TPH2: variants seen among roughly 807,000 people sequenced by gnomAD.
The protein encoded by TPH2 is tryptophan hydroxylase 2.
Under a neutral mutation model 59.1 loss-of-function variants are expected in TPH2, and 27 were observed. That is an observed-to-expected ratio of 0.46 (90% CI 0.34 to 0.63). The LOEUF (loss-of-function observed/expected upper bound fraction) is 0.63, where lower values mean the gene tolerates loss of function less well. Among genes scored for constraint, TPH2 ranks in the 30% least tolerant of loss-of-function variants. TPH2 has a pLI of 0.01. For missense variants in TPH2, 523 were observed against 588.3 expected, an observed-to-expected ratio of 0.89 and a Z score of 1.15; for synonymous variants, 220 against 210.5, an observed-to-expected ratio of 1.05 and a Z score of -0.39.
intron 7 of TPH2, among the ~76,000 whole-genome samples, chr12:71,993,281 G>C (rs557380632): frequency 6.6e-6 from 1 of 152,288 alleles, no homozygotes; most frequent in East Asian, 1.9e-4. Flanking sequence ...TGTAATAATG[G>C]TAGCACCTGG....
At chr12:71,952,048 T>G (rs1233141162) in intron 5 of TPH2, among the ~76,000 whole-genome samples, 4 of 152,190 alleles carry the variant, frequency 2.6e-5, no homozygotes, top group African/African-American at 9.7e-5. Context: ...GGCAAGCTGA[T>G]GTTGTGGTGA....
chr12:72,030,428 C>A (rs1201519807), intron 9 of TPH2, among the ~76,000 whole-genome samples: 1 of 152,082 alleles, frequency 6.6e-6, no homozygotes, highest in African/African-American at 2.4e-5. Context: ...TATAAATAGG[C>A]AGCACATGGC....
chr12:71,979,458 G>T (rs1437734145), intron 7 of TPH2, among the ~76,000 whole-genome samples: 1 of 152,194 alleles, frequency 6.6e-6, no homozygotes, highest in African/African-American at 2.4e-5. Context: ...GGAGGTTCAT[G>T]TACACACACC....
At position 71,965,959 on chromosome 12, in the gene TPH2, TCTTTAATGTA is replaced by T. The variant is rs753090326; in HGVS notation, c.609-6559_609-6550del. 1.4e-4 allele frequency among the ~76,000 whole-genome samples: 22 copies of T among 152,334 alleles called. No individual in the cohort carries two copies. In the South Asian group the frequency reaches 1.9e-3, roughly 13 times the overall value. On this transcript the variant is annotated intron_variant, in intron 5 of 10. Transcript: ENST00000333850. ...TATAGTGTTGGGTTTTACATTTAGG[TCTTTAATGTA>T]TCTTGAGTGATGAATTCCTTTAAAA... is the stretch of plus-strand genomic sequence containing the variant.
At position 72,001,036 on chromosome 12, in the gene TPH2, A is replaced by G. The variant is rs551322594; in HGVS notation, c.1068+6471A>G. 2.1e-3 allele frequency among the ~76,000 whole-genome samples: 316 copies of G among 152,320 alleles called. 2 individuals carry two copies. Among genetic ancestry groups the G allele is most frequent in the African/African-American group, 7.4e-3 (306 of 41,574 alleles). On this transcript the variant is annotated intron_variant, in intron 8 of 10. Coordinates refer to ENST00000333850, the MANE Select transcript of TPH2 (RefSeq NM_173353.4). The stretch of plus-strand genomic sequence containing the variant: ...TCAATTCAGTCTATTCATTTCTCAT[A>G]TCATAAAGGCATTTGAAACAGACAA...
At chr12:71,994,700 G>A in intron 8 of TPH2, 135 bp downstream of exon 8, 1 of 1,112,756 alleles carries the variant, frequency 9.0e-7, no homozygotes, top group Non-Finnish European at 1.3e-6. Flanking sequence ...TTCCTATGTT[G>A]TATTCTTTTG....
At chr12:71,984,994 C>A (rs961091673) in intron 7 of TPH2, among the ~76,000 whole-genome samples, 1 of 152,162 alleles carries the variant, frequency 6.6e-6, no homozygotes, top group Non-Finnish European at 1.5e-5. Context: ...AGCAACAATA[C>A]GTTTATTATG....
At chr12:71,995,351 C>T (rs1872668759) in intron 8 of TPH2, among the ~76,000 whole-genome samples, 1 of 152,122 alleles carries the variant, frequency 6.6e-6, no homozygotes. Context: ...CCATTACCTA[C>T]AGGGACCAGT....
intron 2 of TPH2, among the ~76,000 whole-genome samples, chr12:71,942,156 ACAC>A: frequency 6.6e-6 from 1 of 152,334 alleles, no homozygotes; most frequent in Non-Finnish European, 1.5e-5. Context: ...GAATATAGGC[ACAC>A]GGTATTCCCC....
intron 8 of TPH2, among the ~76,000 whole-genome samples, chr12:72,015,737 C>T (rs1873230613): frequency 6.6e-6 from 1 of 152,164 alleles, no homozygotes; most frequent in South Asian, 2.1e-4. Context: ...CCTAACAGCA[C>T]AGATGCTTGC....
At chr12:72,028,625 T>A (rs2139250786) in intron 9 of TPH2, among the ~76,000 whole-genome samples, 1 of 152,158 alleles carries the variant, frequency 6.6e-6, no homozygotes, top group South Asian at 2.1e-4. Flanking sequence ...CACTGGCTGC[T>A]CCCCCATCTC....
At chr12:71,988,975 A>T (rs1179246594) in intron 7 of TPH2, among the ~76,000 whole-genome samples, 2 of 152,150 alleles carry the variant, frequency 1.3e-5, no homozygotes, top group Non-Finnish European at 2.9e-5. Context: ...AGACAACTAT[A>T]ATATCTGCCA....
chr12:72,018,182 T>C (rs1873310650), intron 8 of TPH2, among the ~76,000 whole-genome samples: 1 of 151,850 alleles, frequency 6.6e-6, no homozygotes, highest in African/African-American at 2.4e-5. Flanking sequence ...AAGGGAAAGG[T>C]AGATAGGGAA....
At chr12:72,014,535 C>T (rs949354299) in intron 8 of TPH2, among the ~76,000 whole-genome samples, 3 of 151,908 alleles carry the variant, frequency 2.0e-5, no homozygotes, top group East Asian at 1.9e-4. Flanking sequence ...GGATTACAGG[C>T]GCCCGTCCCC....
At chr12:71,991,723 G>T (rs989866342) in intron 7 of TPH2, among the ~76,000 whole-genome samples, 1 of 152,114 alleles carries the variant, frequency 6.6e-6, no homozygotes, top group Non-Finnish European at 1.5e-5. Context: ...AGAACTACTG[G>T]ACTTGTAACT....
At chr12:71,944,206 C>A in intron 2 of TPH2, 88 bp from the exon 3 acceptor site, 1 of 1,396,030 alleles carries the variant, frequency 7.2e-7, no homozygotes, top group Non-Finnish European at 1.0e-6. Flanking sequence ...GGGTACTTGG[C>A]ACCTTGCTTA....
intron 8 of TPH2, among the ~76,000 whole-genome samples, chr12:72,009,879 A>G (rs1592409882): frequency 6.6e-6 from 1 of 152,202 alleles, no homozygotes; most frequent in Admixed American, 6.5e-5. Context: ...CAGAAGGAAG[A>G]TAGTGTGGTA....
chr12:71,967,165 C>T (rs1871840388), intron 5 of TPH2, among the ~76,000 whole-genome samples: 1 of 152,190 alleles, frequency 6.6e-6, no homozygotes, highest in Non-Finnish European at 1.5e-5. Context: ...AAGCTCAGGA[C>T]TCACACAAAA....
chr12:71,966,644 C>T (rs1027483003), intron 5 of TPH2, among the ~76,000 whole-genome samples: 2 of 152,148 alleles, frequency 1.3e-5, no homozygotes. Context: ...CTATCAGATT[C>T]ACCCATTCCC....
Sources: allele counts gnomAD v4.1 joint callset (sites outside exome capture counted in the v4.1 genomes callset), GRCh38; gene constraint gnomAD v4.1.1; transcripts MANE v1.5; gene names NCBI Gene and HGNC (gene_info 2026-07-23, HGNC 2026-07-21).